LGALS8: variants seen among roughly 807,000 people sequenced by gnomAD.
LGALS8 encodes the protein galectin-8.
In LGALS8, 30 loss-of-function variants were observed where a neutral mutation model predicts 35.9. The ratio of observed to expected loss-of-function variants is 0.83; its 90% CI spans 0.62 to 1.13. The LOEUF is 1.13. Ranked by LOEUF, LGALS8 falls within the 50% of genes most tolerant of loss-of-function variation. The pLI, the probability that LGALS8 is intolerant of heterozygous loss-of-function variation, is 0.00. For missense variants in LGALS8, 366 were observed against 388.7 expected, an observed-to-expected ratio of 0.94 and a Z score of 0.49; for synonymous variants, 138 against 136.1, an observed-to-expected ratio of 1.01 and a Z score of -0.10.
rs1006220118 is a variant in LGALS8 at position 236,552,173 on chromosome 1, T to G, written c.*4012T>G. 1.2e-5 allele frequency: 13 copies of G among 1,055,336 alleles called. No homozygotes were observed. The South Asian group carries it at 1.6e-4, about 13-fold the overall frequency. 65.4% of individuals were successfully genotyped at this position (1,055,336 alleles called of 1,614,324 possible). ...ACTGTATTTATTATCTTAAGAGCTGTACTGACTTGAGACAAGCTCTAACTT... is the reference window on the plus strand; with the variant it reads ...ACTGTATTTATTATCTTAAGAGCTGGACTGACTTGAGACAAGCTCTAACTT... On this transcript the variant is annotated 3_prime_UTR_variant, in exon 10 of 10. Coordinates refer to ENST00000366584, the MANE Select transcript of LGALS8 (RefSeq NM_201544.4).
At chr1:236,522,248 A>G (rs1327423733), upstream of LGALS8, among the ~76,000 whole-genome samples, 1 of 152,232 alleles carries the variant, frequency 6.6e-6, no homozygotes, top group Admixed American at 6.5e-5. Flanking sequence ...TATGACTTAC[A>G]AAAGAAACAC....
intron 9 of LGALS8, among the ~76,000 whole-genome samples, chr1:236,547,070 A>T (rs911957): frequency 0.53 from 81,020 of 151,914 alleles, 23,743 homozygotes; most frequent in Non-Finnish European, 0.66. Flanking sequence ...TTTGTGCTTC[A>T]TTCTGGCCTC....
At chr1:236,541,853 G>A (rs1329191021) in intron 6 of LGALS8, 143 bp downstream of exon 6, 2 of 551,920 alleles carry the variant, frequency 3.6e-6, no homozygotes, top group Non-Finnish European at 6.4e-6. Context: ...ATACATACTT[G>A]TGGTGCCAGG....
chr1:236,542,788 G>C lies in LGALS8; in HGVS notation c.549+1G>C. On this transcript the variant is annotated splice_donor_variant, in intron 7 of 9. Transcript: ENST00000366584. LOFTEE classifies it high-confidence loss of function. Reference sequence around the variant, plus strand: ...TCCAAAGTCTGGCACGCCCCAGCTTGTGAGTATTTTTGCCTGGGTTATTTC... The same window carrying C: ...TCCAAAGTCTGGCACGCCCCAGCTTCTGAGTATTTTTGCCTGGGTTATTTC... 1.9e-6 allele frequency: 3 copies of C among 1,614,188 alleles called. No individual in the cohort carries two copies. Among genetic ancestry groups the C allele is most frequent in the Non-Finnish European group, 2.5e-6 (3 of 1,180,028 alleles).
intron 8 of LGALS8, 78 bp from the exon 9 acceptor site, chr1:236,544,672 C>A: frequency 9.1e-7 from 1 of 1,096,308 alleles, no homozygotes; most frequent in Non-Finnish European, 1.3e-6. Flanking sequence ...CAAGTCTGGT[C>A]ACTAACATTG....
chr1:236,551,313 G>A lies in LGALS8; in HGVS notation c.*3152G>A. The A allele has an allele frequency of 3.4e-6, 1 of 291,002 alleles. No homozygotes were observed. The highest frequency in any genetic ancestry group is 6.4e-6 in the Non-Finnish European group (1 of 155,234). 18.0% of individuals were successfully genotyped at this position (291,002 alleles called of 1,614,324 possible). ...AAACAAAGGAGAATGTACTTTTGTA[G>A]CTTAGATAAGCAATGAATCAGTAAA... On this transcript the variant is annotated 3_prime_UTR_variant, in exon 10 of 10. Transcript: ENST00000366584.
rs779377166 is a variant in LGALS8 at position 236,538,877 on chromosome 1, A to G, written c.135-2A>G. The G allele has an allele frequency of 6.2e-7, 1 of 1,610,986 alleles. No individual in the cohort carries two copies. The highest frequency in any genetic ancestry group is 8.5e-7 in the Non-Finnish European group (1 of 1,178,650). On this transcript the variant is annotated splice_acceptor_variant, in intron 3 of 9. Transcript: ENST00000366584. LOFTEE classifies it high-confidence loss of function. ...GGGGCCCCTGTGTCTTCCCTCATATAGATTCCAGGTGGATCTGCAGAATGG... is the reference window on the plus strand; with the variant it reads ...GGGGCCCCTGTGTCTTCCCTCATATGGATTCCAGGTGGATCTGCAGAATGG...
intron 9 of LGALS8, among the ~76,000 whole-genome samples, chr1:236,546,525 T>C (rs79999724): frequency 0.036 from 4,499 of 124,262 alleles, 127 homozygotes; most frequent in Admixed American, 0.12. Context: ...CTGTGGGCTC[T>C]TCCTCTGGAT....
chr1:236,543,635 G>A lies in LGALS8; in HGVS notation c.625G>A (p.Ala209Thr). The A allele has an allele frequency of 6.2e-7, 1 of 1,613,414 alleles. No individual in the cohort carries two copies. Among genetic ancestry groups the A allele is most frequent in the Non-Finnish European group, 8.5e-7 (1 of 1,179,338 alleles). ...TGTCGTCGTTAAAGGAGAAGTGAAT[G>A]CAAATGCCAAAAGGTCAGTATCCTT... Reference protein sequence around the residue: ...RTVVVKGEVNANAKSFNVDLL... With the variant: ...RTVVVKGEVNTNAKSFNVDLL... Residue 209 changes from alanine (A) to threonine (T), a missense_variant, in exon 8 of 10, where the codon GCA becomes ACA. Ala to Thr is a moderately conservative substitution (Grantham distance 58, BLOSUM62 0). Transcript: ENST00000366584.
intron 3 of LGALS8, among the ~76,000 whole-genome samples, chr1:236,538,087 A>C (rs1456389841): frequency 1.9e-5 from 2 of 103,298 alleles, no homozygotes; most frequent in Admixed American, 1.1e-4. Context: ...CCTGGGTGAC[A>C]AAAAAAAAAA....
At position 236,548,160 on chromosome 1, in the gene LGALS8, A is replaced by G; in HGVS notation, c.953A>G (p.Ter318TrpextTer36). ...CACTTACTGGAAGTAAGGAGCTGGT[A>G]GCCTACCTACACAGCTGCTACAAAA... ...DIHLLEVRSW[*>W] The change falls in exon 10 of 10, where the codon TAG becomes TGG. Residue 318 changes from the stop codon to tryptophan, a stop_lost. Coordinates refer to ENST00000366584, the MANE Select transcript of LGALS8 (RefSeq NM_201544.4). 1 of 1,612,906 alleles carries G rather than the reference A, an allele frequency of 6.2e-7. No homozygotes were observed. Among genetic ancestry groups the G allele is most frequent in the Non-Finnish European group, 8.5e-7 (1 of 1,179,254 alleles).
At chr1:236,536,297 A>G (rs1206862104) in intron 2 of LGALS8, 1 of 152,252 alleles carries the variant, frequency 6.6e-6, no homozygotes, top group Non-Finnish European at 1.5e-5. Context: ...TGTGGGCTGT[A>G]CATCCTGGTC....
At chr1:236,545,064 T>A (rs1000734036) in intron 9 of LGALS8, 149 bp downstream of exon 9, 8 of 579,704 alleles carry the variant, frequency 1.4e-5, no homozygotes, top group African/African-American at 1.3e-4. Flanking sequence ...TGCCCCTTTT[T>A]ATAACGTGGG....
chr1:236,532,305 C>T (rs908048313), intron 2 of LGALS8, among the ~76,000 whole-genome samples: 4 of 152,210 alleles, frequency 2.6e-5, no homozygotes, highest in African/African-American at 9.7e-5. Flanking sequence ...TAATTCTTTT[C>T]TGCATACCTC....
intron 6 of LGALS8, 53 bp downstream of exon 6, chr1:236,541,763 G>T: frequency 9.7e-6 from 9 of 931,336 alleles, no homozygotes; most frequent in Non-Finnish European, 1.4e-5. Context: ...TGTTTTAGCT[G>T]CCATGTTAAT....
At chr1:236,535,738 C>T (rs532368106) in intron 2 of LGALS8, among the ~76,000 whole-genome samples, 2 of 152,286 alleles carry the variant, frequency 1.3e-5, no homozygotes, top group South Asian at 4.2e-4. Flanking sequence ...TGTCATGTGC[C>T]TCCCACCCTG....
chr1:236,544,711 G>C lies in LGALS8; in HGVS notation c.639-39G>C, dbSNP rs535514028. ...AAATTGCCACTACTCTGTCCTACTT[G>C]GTTAATTAAGGTTTTTTTTTTTCTT... On this transcript the variant is annotated intron_variant, in intron 8 of 9. Coordinates refer to ENST00000366584, the MANE Select transcript of LGALS8 (RefSeq NM_201544.4). The C allele has an allele frequency of 4.0e-6, 6 of 1,489,990 alleles. 1 individual carries two copies. The African/African-American group carries it at 9.4e-5, about 23-fold the overall frequency. The allele number at this position is 1,489,990 out of a possible 1,614,324, so 92.3% of individuals were successfully genotyped here.
At chr1:236,541,342 C>T (rs573349565) in intron 5 of LGALS8, 7 of 229,150 alleles carry the variant, frequency 3.1e-5, no homozygotes, top group East Asian at 1.2e-4. Flanking sequence ...ATACCCCCTT[C>T]GTTAAGCAAC....
intron 6 of LGALS8, 70 bp from the exon 7 acceptor site, chr1:236,542,691 C>G (rs909697461): frequency 1.3e-6 from 2 of 1,554,862 alleles, no homozygotes; most frequent in Non-Finnish European, 1.8e-6. Context: ...TCAGCACAAC[C>G]AAGACTTCAG....
Sources: gnomAD v4.1 joint callset for allele counts (sites outside exome capture counted in the v4.1 genomes callset) on GRCh38, gnomAD v4.1.1 for gene constraint, MANE v1.5 for transcripts, NCBI Gene and HGNC (gene_info 2026-07-23, HGNC 2026-07-21) for gene names.